KHDRBS2: variants seen among roughly 807,000 people sequenced by gnomAD.
KHDRBS2 encodes KH domain-containing, RNA-binding, signal transduction-associated protein 2.
A neutral mutation model predicts 44.3 loss-of-function variants in KHDRBS2; 26 were observed. The observed-to-expected ratio is 0.59, with a 90% CI of 0.43 to 0.81. The LOEUF is 0.81. Among genes scored for constraint, KHDRBS2 ranks in the 40% least tolerant of loss-of-function variants. KHDRBS2 has a pLI of 0.00. For synonymous variants in KHDRBS2, 194 were observed against 151.1 expected (o/e 1.28, Z -2.08); for missense variants, 476 against 433.1 (o/e 1.10, Z -0.88).
At chr6:61,973,220 T>A (rs1771804265) in intron 4 of KHDRBS2, among the ~76,000 whole-genome samples, 1 of 152,144 alleles carries the variant, frequency 6.6e-6, no homozygotes. Context: ...TTTATATTTA[T>A]CATCTTCTAA....
chr6:61,819,410 T>G (rs1269424987), intron 6 of KHDRBS2, among the ~76,000 whole-genome samples: 2 of 152,124 alleles, frequency 1.3e-5, no homozygotes, highest in Non-Finnish European at 2.9e-5. Flanking sequence ...TACTGTGACT[T>G]TCTTCCCCTC....
chr6:61,555,369 T>C, the KHDRBS2 span, among the ~76,000 whole-genome samples: 1 of 152,222 alleles, frequency 6.6e-6, no homozygotes, highest in Admixed American at 6.5e-5. Context: ...TCAGTTTGTT[T>C]TTTTCTGAAA....
At chr6:61,777,183 A>G (rs577867135) in intron 6 of KHDRBS2, among the ~76,000 whole-genome samples, 19 of 152,234 alleles carry the variant, frequency 1.2e-4, no homozygotes, top group African/African-American at 4.1e-4. Context: ...GATACACCTA[A>G]TGCTAAATGA....
intron 6 of KHDRBS2, among the ~76,000 whole-genome samples, chr6:61,888,854 C>T (rs1801376912): frequency 6.6e-6 from 1 of 152,000 alleles, no homozygotes; most frequent in South Asian, 2.1e-4. Flanking sequence ...AGCCACCGGG[C>T]CCGGCTGGTA....
intron 2 of KHDRBS2, among the ~76,000 whole-genome samples, chr6:62,165,451 GTTTA>G (rs1052561063): frequency 6.7e-6 from 1 of 149,790 alleles, no homozygotes; most frequent in African/African-American, 2.4e-5. Context: ...ATGCGTCCAT[GTTTA>G]TTTAATAAGA....
the KHDRBS2 span, among the ~76,000 whole-genome samples, chr6:61,558,024 T>C: frequency 6.6e-6 from 1 of 152,200 alleles, no homozygotes; most frequent in Admixed American, 6.5e-5. Context: ...GTCTTTTCTC[T>C]TTCTTAGTCT....
chr6:62,067,488 G>C (rs570053998), intron 2 of KHDRBS2, among the ~76,000 whole-genome samples: 1 of 151,574 alleles, frequency 6.6e-6, no homozygotes, highest in African/African-American at 2.4e-5. Context: ...TGTACATTCA[G>C]TCATGTACCT....
chr6:61,781,611 T>A (rs1274334468), intron 6 of KHDRBS2, among the ~76,000 whole-genome samples: 2 of 152,214 alleles, frequency 1.3e-5, no homozygotes, highest in Admixed American at 1.3e-4. Flanking sequence ...ATTTTATCTT[T>A]ACAAATTTAT....
At chr6:61,987,907 A>G (rs1254338616) in intron 3 of KHDRBS2, among the ~76,000 whole-genome samples, 1 of 152,202 alleles carries the variant, frequency 6.6e-6, no homozygotes, top group Non-Finnish European at 1.5e-5. Context: ...ATGGTCATCT[A>G]TGAGAAGGGA....
the KHDRBS2 span, among the ~76,000 whole-genome samples, chr6:61,593,181 T>G: frequency 1.3e-5 from 2 of 152,198 alleles, no homozygotes; most frequent in African/African-American, 4.8e-5. Flanking sequence ...TTCTGCATAA[T>G]TCATAAGTCA....
the KHDRBS2 span, among the ~76,000 whole-genome samples, chr6:61,554,631 T>C: frequency 6.6e-6 from 1 of 152,258 alleles, no homozygotes; most frequent in African/African-American, 2.4e-5. Flanking sequence ...TGTGTGTTTT[T>C]GTCGTGGCTT....
At chr6:61,547,267 T>A in the KHDRBS2 span, among the ~76,000 whole-genome samples, 6 of 152,060 alleles carry the variant, frequency 3.9e-5, no homozygotes, top group Non-Finnish European at 8.8e-5. Flanking sequence ...GGAGGATAGG[T>A]TTGAGAAAAT....
intron 1 of KHDRBS2, among the ~76,000 whole-genome samples, chr6:62,282,392 T>C (rs539015980): frequency 1.3e-5 from 2 of 152,300 alleles, no homozygotes; most frequent in South Asian, 4.1e-4. Context: ...CGTCATATAA[T>C]GAGTCAACCA....
intron 6 of KHDRBS2, among the ~76,000 whole-genome samples, chr6:61,743,964 A>AT (rs1043261772): frequency 5.9e-5 from 9 of 151,882 alleles, no homozygotes; most frequent in Non-Finnish European, 1.2e-4. Context: ...TGAACTCACC[A>AT]TTTTTTATGG....
At chr6:61,729,372 G>A (rs1193389715) in intron 7 of KHDRBS2, among the ~76,000 whole-genome samples, 7 of 152,066 alleles carry the variant, frequency 4.6e-5, no homozygotes, top group Admixed American at 6.6e-5. Context: ...CTGATGGTAC[G>A]AGGCTTAATA....
chr6:62,005,166 G>T (rs1372121113), intron 3 of KHDRBS2, among the ~76,000 whole-genome samples: 3 of 151,992 alleles, frequency 2.0e-5, no homozygotes, highest in Non-Finnish European at 4.4e-5. Context: ...GTTGAGTTAT[G>T]TCTGCCACAA....
At chr6:62,105,423 G>A (rs1252816358) in intron 2 of KHDRBS2, among the ~76,000 whole-genome samples, 1 of 152,132 alleles carries the variant, frequency 6.6e-6, no homozygotes, top group African/African-American at 2.4e-5. Flanking sequence ...CTTTTTGGTT[G>A]GTAAGCTATT....
chr6:61,779,183 A>T (rs1782556723), intron 6 of KHDRBS2, among the ~76,000 whole-genome samples: 1 of 152,174 alleles, frequency 6.6e-6, no homozygotes, highest in Non-Finnish European at 1.5e-5. Context: ...ATATAAATGT[A>T]GTATACCAAT....
intron 2 of KHDRBS2, among the ~76,000 whole-genome samples, chr6:62,062,978 C>A (rs1237275355): frequency 6.6e-6 from 1 of 151,094 alleles, no homozygotes; most frequent in Non-Finnish European, 1.5e-5. Context: ...ATACAAACTA[C>A]CATCAGAGAA....
Sources: gnomAD v4.1 joint callset for allele counts (sites outside exome capture counted in the v4.1 genomes callset) on GRCh38, gnomAD v4.1.1 for gene constraint, MANE v1.5 for transcripts, NCBI Gene and HGNC (gene_info 2026-07-23, HGNC 2026-07-21) for gene names.